ATP6V1B2: variants seen among roughly 807,000 people sequenced by gnomAD.
The protein encoded by ATP6V1B2 is ATPase H+ transporting V1 subunit B2.
ATP6V1B2 carries 23 observed loss-of-function variants against 66.7 expected under a neutral mutation model. That is an observed-to-expected ratio of 0.34 (90% CI 0.25 to 0.49). The LOEUF is 0.49. Ranked by LOEUF, ATP6V1B2 falls within the 20% of genes least tolerant of loss-of-function variation. The probability of loss-of-function intolerance (pLI) is 0.99; values close to 1 mark genes in which losing one functional copy is unlikely to be tolerated. For missense variants in ATP6V1B2, 478 were observed against 650.8 expected, an observed-to-expected ratio of 0.73 and a Z score of 2.89; for synonymous variants, 278 against 236.7, an observed-to-expected ratio of 1.17 and a Z score of -1.60.
Position 20,220,211 on chromosome 8 carries a change from C to T in ATP6V1B2, c.1397-52C>T. On this transcript the variant is annotated intron_variant, in intron 13 of 13. Transcript: ENST00000276390. ...ATATAACAATACATACTGGATAACA[C>T]TGCTAAGTTGGAAGTCATTTGCATT... 4 of 1,580,240 alleles carry T rather than the reference C, an allele frequency of 2.5e-6. 1 individual carries two copies. In the East Asian group the frequency reaches 6.8e-5, roughly 27 times the overall value.
At chr8:20,216,846 A>G (rs1450498014) in intron 11 of ATP6V1B2, 1 of 257,140 alleles carries the variant, frequency 3.9e-6, no homozygotes, top group South Asian at 7.7e-5. Flanking sequence ...TTCTAAAATC[A>G]GCTTTTAGGA....
At chr8:20,216,781 T>A in intron 11 of ATP6V1B2, 1 of 290,182 alleles carries the variant, frequency 3.4e-6, no homozygotes, top group African/African-American at 2.2e-5. Flanking sequence ...CATCTACCAA[T>A]CTTGTTATTG....
intron 3 of ATP6V1B2, 68 bp downstream of exon 3, chr8:20,209,599 T>G: frequency 7.2e-7 from 1 of 1,389,388 alleles, no homozygotes; most frequent in Non-Finnish European, 1.0e-6. Context: ...GCTTGTTTCT[T>G]TCTGTGATGA....
chr8:20,207,479 G>T (rs977985997), intron 2 of ATP6V1B2, among the ~76,000 whole-genome samples: 22 of 152,144 alleles, frequency 1.4e-4, no homozygotes, highest in African/African-American at 5.3e-4. Flanking sequence ...ACAGAAGACC[G>T]TTTTTGGGTG....
At chr8:20,205,772 G>T (rs1339752670) in intron 2 of ATP6V1B2, among the ~76,000 whole-genome samples, 2 of 152,142 alleles carry the variant, frequency 1.3e-5, no homozygotes, top group Non-Finnish European at 2.9e-5. Context: ...AAGTATCTTT[G>T]ACTCCAAACC....
rs2072801043 is a variant in ATP6V1B2 at position 20,212,082 on chromosome 8, A to T, written c.706-20A>T. On this transcript the variant is annotated intron_variant, in intron 7 of 13. Transcript: ENST00000276390. Reference sequence around the variant, plus strand: ...AAGGATTTTTCTTCTCCCAGCACTGATGAAGTTATTGTTATTTAGGTAAAC... The same window carrying T: ...AAGGATTTTTCTTCTCCCAGCACTGTTGAAGTTATTGTTATTTAGGTAAAC... 1.2e-6 allele frequency: 2 copies of T among 1,600,968 alleles called. No individual in the cohort carries two copies. The highest frequency in any genetic ancestry group is 2.2e-5 in the South Asian group (2 of 90,816).
At chr8:20,218,416 C>T in intron 13 of ATP6V1B2, 134 bp downstream of exon 13, 1 of 1,170,504 alleles carries the variant, frequency 8.5e-7, no homozygotes, top group East Asian at 2.8e-5. Flanking sequence ...CTGTCACCTG[C>T]CTGCCTTAAC....
At position 20,216,404 on chromosome 8, in the gene ATP6V1B2, C is replaced by A; in HGVS notation, c.1079-9C>A. On this transcript the variant is annotated splice_polypyrimidine_tract_variant and intron_variant, in intron 10 of 13. Coordinates refer to ENST00000276390, the MANE Select transcript of ATP6V1B2 (RefSeq NM_001693.4). ...GCCATGCTTAATGCCAACTGTCTTC[C>A]TCTGGTAGATATCACTCACCCCATC... The A allele has an allele frequency of 6.2e-7, 1 of 1,608,586 alleles. No individual in the cohort carries two copies. Among genetic ancestry groups the A allele is most frequent in the Non-Finnish European group, 8.5e-7 (1 of 1,175,304 alleles).
chr8:20,214,658 A>C lies in ATP6V1B2; in HGVS notation c.928-160A>C, dbSNP rs961128493. 3.8e-6 allele frequency: 3 copies of C among 790,880 alleles called. No homozygotes were observed. The African/African-American group carries it at 5.4e-5, about 14-fold the overall frequency. 49.0% of individuals were successfully genotyped at this position (790,880 alleles called of 1,614,324 possible). A position where few individuals can be genotyped will look rare whatever the true frequency, so the allele number is the denominator to read the frequency against. ...TTTTGTTACAGAATACTTTGAATTT[A>C]TGTTGCCGGGAGATTTTTCTAAATC... On this transcript the variant is annotated intron_variant, in intron 9 of 13. Coordinates refer to ENST00000276390, the MANE Select transcript of ATP6V1B2 (RefSeq NM_001693.4).
intron 9 of ATP6V1B2, chr8:20,213,530 T>C (rs2128886144): frequency 6.5e-6 from 1 of 153,270 alleles, no homozygotes; most frequent in African/African-American, 2.4e-5. Flanking sequence ...CACACACTTG[T>C]AATCCTAGTT....
intron 10 of ATP6V1B2, 94 bp from the exon 11 acceptor site, chr8:20,216,319 G>A (rs917186787): frequency 5.8e-6 from 6 of 1,033,720 alleles, no homozygotes; most frequent in African/African-American, 4.7e-5. Flanking sequence ...GTAGTACAGA[G>A]GGACTTTTTG....
Position 20,221,440 on chromosome 8 carries a change from G to A in ATP6V1B2, c.*1038G>A, listed in dbSNP as rs1282474137. 5 of 152,618 alleles carry A rather than the reference G, an allele frequency of 3.3e-5. No individual in the cohort carries two copies. The highest frequency in any genetic ancestry group is 2.0e-4 in the Admixed American group (3 of 15,278). The allele number at this position is 152,618 out of a possible 1,614,324, so 9.5% of individuals were successfully genotyped here. A position where few individuals can be genotyped will look rare whatever the true frequency, so the allele number is the denominator to read the frequency against. On this transcript the variant is annotated 3_prime_UTR_variant, in exon 14 of 14. Transcript: ENST00000276390. The stretch of plus-strand genomic sequence containing the variant: ...GCTTTAGAGTTTTCTGAATTCCTGC[G>A]CCTTCCTGACGTGAGCCCTGAGCGA...
Position 20,197,472 on chromosome 8 carries a change from T to G in ATP6V1B2, c.66T>G (p.Gly22=), listed in dbSNP as rs780642196. Residue 22 remains glycine (G), a synonymous_variant, in exon 1 of 14, where the codon GGT becomes GGG. Coordinates refer to ENST00000276390, the MANE Select transcript of ATP6V1B2 (RefSeq NM_001693.4). The stretch of plus-strand genomic sequence containing the variant: ...CACCCGAGCTACCCGTGCCCACCGG[T>G]GGGCCGGCGGTGGGAGCTCGGGAGC... ...GAAPELPVPT[G]GPAVGAREQA... 37 of 1,522,400 alleles carry G rather than the reference T, an allele frequency of 2.4e-5. No individual in the cohort carries two copies. The highest frequency in any genetic ancestry group is 3.0e-5 in the Non-Finnish European group (34 of 1,136,650). The allele number at this position is 1,522,400 out of a possible 1,614,324, so 94.3% of individuals were successfully genotyped here.
chr8:20,197,912 A>G (rs2072645196), intron 1 of ATP6V1B2, among the ~76,000 whole-genome samples: 1 of 152,056 alleles, frequency 6.6e-6, no homozygotes, highest in Non-Finnish European at 1.5e-5. Context: ...TTGGATATCT[A>G]GGGGTCGAGG....
rs1585255069 is a variant in ATP6V1B2, at chr8:20,218,172, G to C, written c.1286G>C (p.Gly429Ala). The C allele has an allele frequency of 1.2e-6, 2 of 1,613,228 alleles. No homozygotes were observed. Among genetic ancestry groups the C allele is most frequent in the African/African-American group, 2.7e-5 (2 of 74,960 alleles). ...CTTTAGTATGCGTGCTATGCTATTG[G>C]AAAGGATGTGCAAGCCATGAAAGCT... is the stretch of plus-strand genomic sequence containing the variant. ...SNQLYACYAI[G>A]KDVQAMKAVV... The change falls in exon 13 of 14, where the codon GGA becomes GCA. Residue 429 changes from glycine to alanine, a missense_variant. Around this residue, in one of 2 missense-constraint regions of ATP6V1B2, gnomAD observed 326 missense variants for 545.6 expected, o/e 0.60. Coordinates refer to ENST00000276390, the MANE Select transcript of ATP6V1B2 (RefSeq NM_001693.4).
intron 12 of ATP6V1B2, 93 bp from the exon 13 acceptor site, chr8:20,218,060 G>C: frequency 1.4e-6 from 2 of 1,460,104 alleles, no homozygotes; most frequent in Non-Finnish European, 9.1e-7. Flanking sequence ...ATGGGCTCTT[G>C]TGAGGAGAAC....
chr8:20,213,664 A>G (rs530645803), intron 9 of ATP6V1B2: 1 of 152,160 alleles, frequency 6.6e-6, no homozygotes, highest in African/African-American at 2.4e-5. Context: ...AAGAAAGATT[A>G]TAACAGTTAC....
In ATP6V1B2 at chr8:20,220,524, A is replaced by G; in HGVS notation, c.*122A>G. The G allele has an allele frequency of 7.5e-7, 1 of 1,336,566 alleles. No homozygotes were observed. The highest frequency in any genetic ancestry group is 9.9e-7 in the Non-Finnish European group (1 of 1,011,146). The allele number at this position is 1,336,566 out of a possible 1,614,324, so 82.8% of individuals were successfully genotyped here. A position where few individuals can be genotyped will look rare whatever the true frequency, so the allele number is the denominator to read the frequency against. On this transcript the variant is annotated 3_prime_UTR_variant, in exon 14 of 14. Coordinates refer to ENST00000276390, the MANE Select transcript of ATP6V1B2 (RefSeq NM_001693.4). ...ACCATGTTACCCTGTAATTAAAAAC[A>G]AAGAATAGGTAACATATTGTGCCAG...
At chr8:20,211,418 C>G in intron 6 of ATP6V1B2, 102 bp downstream of exon 6, 1 of 1,468,098 alleles carries the variant, frequency 6.8e-7, no homozygotes, top group Non-Finnish European at 9.1e-7. Flanking sequence ...AAAATAAATA[C>G]TCAGTGTTAT....
Sources: gnomAD v4.1 joint callset for allele counts (sites outside exome capture counted in the v4.1 genomes callset) on GRCh38, gnomAD v4.1.1 for gene constraint, gnomAD v4.1.1 regional missense constraint, MANE v1.5 for transcripts, NCBI Gene and HGNC (gene_info 2026-07-23, HGNC 2026-07-21) for gene names.